SPOCK1: variants seen among roughly 807,000 people sequenced by gnomAD.
SPOCK1 encodes SPARC (osteonectin), cwcv and kazal like domains proteoglycan 1, also known as testican-1.
SPOCK1 carries 23 observed loss-of-function variants against 55.3 expected under a neutral mutation model. That is an observed-to-expected ratio of 0.42 (90% CI 0.30 to 0.59). SPOCK1 has a LOEUF of 0.59. SPOCK1 is among the 20% of genes least tolerant of loss of function. The pLI is 0.22. For synonymous variants in SPOCK1, 226 were observed against 221.0 expected, an observed-to-expected ratio of 1.02 and a Z score of -0.20; for missense variants, 499 against 552.5, an observed-to-expected ratio of 0.90 and a Z score of 0.97.
intron 2 of SPOCK1, among the ~76,000 whole-genome samples, chr5:137,445,194 G>A (rs1313940600): frequency 2.6e-5 from 4 of 152,030 alleles, no homozygotes; most frequent in South Asian, 2.1e-4. Flanking sequence ...TTCTTCCTGG[G>A]TATGCTATTT....
At chr5:137,369,418 G>T (rs1028251410) in intron 2 of SPOCK1, among the ~76,000 whole-genome samples, 6 of 152,032 alleles carry the variant, frequency 3.9e-5, no homozygotes, top group Admixed American at 3.3e-4. Context: ...ATAATGACAG[G>T]GCTGTAAGAG....
At chr5:137,020,837 C>T (rs1349658183) in intron 6 of SPOCK1, among the ~76,000 whole-genome samples, 1 of 151,816 alleles carries the variant, frequency 6.6e-6, no homozygotes, top group African/African-American at 2.4e-5. Flanking sequence ...AAGAAAACCA[C>T]GAAGATCCTA....
intron 3 of SPOCK1, among the ~76,000 whole-genome samples, chr5:137,183,513 G>C (rs2127065652): frequency 6.6e-6 from 1 of 152,278 alleles, no homozygotes; most frequent in African/African-American, 2.4e-5. Context: ...ACAAAATATT[G>C]ATTCCTATAT....
chr5:137,306,227 A>G (rs546114402), intron 2 of SPOCK1, among the ~76,000 whole-genome samples: 13 of 152,388 alleles, frequency 8.5e-5, no homozygotes, highest in African/African-American at 2.9e-4. Flanking sequence ...TAAAGCCAGA[A>G]TCTAACCTGT....
intron 6 of SPOCK1, among the ~76,000 whole-genome samples, chr5:137,000,632 A>G (rs1239738802): frequency 6.6e-6 from 1 of 152,242 alleles, no homozygotes; most frequent in Non-Finnish European, 1.5e-5. Context: ...GTGGAGAAGG[A>G]GTGAGTCTAC....
chr5:137,158,150 A>T (rs1434665), intron 3 of SPOCK1, among the ~76,000 whole-genome samples: 35,647 of 152,086 alleles, frequency 0.23, 4,540 homozygotes, highest in Non-Finnish European at 0.28. Flanking sequence ...AAAAAGACAG[A>T]TGTGCCAGCT....
intron 2 of SPOCK1, among the ~76,000 whole-genome samples, chr5:137,361,482 C>T (rs749564504): frequency 3.1e-4 from 47 of 151,980 alleles, no homozygotes; most frequent in Non-Finnish European, 4.6e-4. Flanking sequence ...TGTGTACGTG[C>T]ATAGATAAAA....
intron 2 of SPOCK1, among the ~76,000 whole-genome samples, chr5:137,388,498 A>G (rs1751643915): frequency 1.3e-5 from 2 of 152,184 alleles, no homozygotes; most frequent in Admixed American, 6.5e-5. Flanking sequence ...ATGCAGCCAG[A>G]TGTCTAGAGT....
At position 136,976,423 on chromosome 5, in the gene SPOCK1, A is replaced by G. The variant is rs994088285; in HGVS notation, c.*2231T>C. ...GTCATCTTAATTTGATACTTGTCAT[A>G]AGATAATTAGGCAAATTAAAATCAG... On this transcript the variant is annotated 3_prime_UTR_variant, in exon 11 of 11. Transcript: ENST00000394945. 1.3e-5 allele frequency: 2 copies of G among 152,622 alleles called. No individual in the cohort carries two copies. Among genetic ancestry groups the G allele is most frequent in the Non-Finnish European group, 2.9e-5 (2 of 68,034 alleles). 9.5% of individuals were successfully genotyped at this position (152,622 alleles called of 1,614,324 possible).
intron 3 of SPOCK1, among the ~76,000 whole-genome samples, chr5:137,182,825 T>A (rs1320110862): frequency 1.3e-5 from 2 of 152,116 alleles, no homozygotes; most frequent in African/African-American, 4.8e-5. Context: ...AAGCTGAAAC[T>A]CTCCTCCCCT....
chr5:137,378,039 G>T (rs1751366295), intron 2 of SPOCK1, among the ~76,000 whole-genome samples: 1 of 148,730 alleles, frequency 6.7e-6, no homozygotes, highest in Non-Finnish European at 1.5e-5. Flanking sequence ...CCGCCTACTG[G>T]GTTCAAGTGA....
intron 4 of SPOCK1, among the ~76,000 whole-genome samples, chr5:137,119,434 C>G (rs1753647884): frequency 6.6e-6 from 1 of 152,146 alleles, no homozygotes; most frequent in South Asian, 2.1e-4. Flanking sequence ...TTATTTGAGT[C>G]ATTATACTAA....
Position 136,979,344 on chromosome 5 carries a change from C to A in SPOCK1, c.1117G>T (p.Ala373Ser), listed in dbSNP as rs1207375891. ...NELAGSRKQGAVSCEEEQETS... is the reference protein window; with the variant it reads ...NELAGSRKQGSVSCEEEQETS... ...AGGCCTTACTCACCACAGCTCACAG[C>A]ACCCTGTTTCCTGGAGCCAGCCAAC... The change falls in exon 10 of 11, where the codon GCT becomes TCT. Residue 373 changes from alanine (A) to serine (S), a missense_variant. Around this residue, in one of 3 missense-constraint regions of SPOCK1, gnomAD observed 83 missense variants for 87.5 expected, o/e 0.95. Transcript: ENST00000394945. 1.2e-6 allele frequency: 2 copies of A among 1,614,096 alleles called. No individual in the cohort carries two copies. Among genetic ancestry groups the A allele is most frequent in the Non-Finnish European group, 1.7e-6 (2 of 1,179,962 alleles).
chr5:137,351,915 T>A (rs1301467201), intron 2 of SPOCK1, among the ~76,000 whole-genome samples: 1 of 152,212 alleles, frequency 6.6e-6, no homozygotes, highest in Non-Finnish European at 1.5e-5. Flanking sequence ...TTGCTCTAGA[T>A]GGCACAGTGG....
chr5:137,120,786 A>G (rs903355789), intron 4 of SPOCK1, among the ~76,000 whole-genome samples: 2 of 152,236 alleles, frequency 1.3e-5, no homozygotes, highest in African/African-American at 4.8e-5. Context: ...AAATTTCTAA[A>G]GAAATACATG....
chr5:137,257,002 A>G (rs1036640360), intron 3 of SPOCK1, among the ~76,000 whole-genome samples: 1 of 152,190 alleles, frequency 6.6e-6, no homozygotes, highest in Non-Finnish European at 1.5e-5. Context: ...TGCTGACCCA[A>G]GCCCTCATAA....
intron 3 of SPOCK1, among the ~76,000 whole-genome samples, chr5:137,160,623 T>TATA (rs1561631835): frequency 2.5e-5 from 2 of 79,400 alleles, no homozygotes; most frequent in East Asian, 3.5e-4. Flanking sequence ...TAATATATAT[T>TATA]TTATATAATA....
At chr5:137,186,266 C>A (rs1006981752) in intron 3 of SPOCK1, among the ~76,000 whole-genome samples, 33 of 152,314 alleles carry the variant, frequency 2.2e-4, no homozygotes, top group Admixed American at 5.2e-4. Flanking sequence ...TGTACATGAT[C>A]AGTACATGAT....
chr5:137,226,267 C>T (rs946583851), intron 3 of SPOCK1, among the ~76,000 whole-genome samples: 3 of 152,198 alleles, frequency 2.0e-5, no homozygotes, highest in African/African-American at 7.2e-5. Context: ...CGATGGCAGA[C>T]ATTTCCAGTA....
Sources: allele counts gnomAD v4.1 joint callset (sites outside exome capture counted in the v4.1 genomes callset), GRCh38; gene constraint gnomAD v4.1.1; regional missense constraint gnomAD v4.1.1; transcripts MANE v1.5; gene names NCBI Gene and HGNC (gene_info 2026-07-23, HGNC 2026-07-21).